The following JCAD variants were observed in gnomAD, a reference collection of about 807,000 sequenced individuals.
JCAD encodes the protein junctional cadherin 5-associated protein.
In JCAD, 40 loss-of-function variants were observed where a neutral mutation model predicts 98.0. The observed-to-expected ratio is 0.41, with a 90% confidence interval of 0.32 to 0.53. The LOEUF (loss-of-function observed/expected upper bound fraction) is 0.53, where lower values mean the gene tolerates loss of function less well. Among genes scored for constraint, JCAD ranks in the 20% least tolerant of loss-of-function variants. The pLI, the probability that JCAD is intolerant of heterozygous loss-of-function variation, is 0.31. For missense variants in JCAD, 1,705 were observed against 1,738.1 expected (o/e 0.98, Z 0.34); for synonymous variants, 691 against 682.3 (o/e 1.01, Z -0.20).
In JCAD at chr10:30,046,138, C is replaced by A. The variant is rs531822730; in HGVS notation, c.281+1394G>T. Among the ~76,000 whole-genome samples the A allele has an allele frequency of 1.6e-4, 24 of 152,288 alleles. 1 individual carries two copies. In the South Asian group the frequency reaches 4.8e-3, roughly 30 times the overall value. ...TGCTGACATGCAGTTACATAACACG[C>A]TCTGTAGACTCAGAGCTCTTCCTCC... On this transcript the variant is annotated intron_variant, in intron 2 of 3. Coordinates refer to ENST00000375377, the MANE Select transcript of JCAD (RefSeq NM_020848.4).
upstream of JCAD, among the ~76,000 whole-genome samples, chr10:30,063,040 C>T (rs79704518): frequency 0.032 from 4,907 of 152,048 alleles, 251 homozygotes; most frequent in African/African-American, 0.11. Context: ...GTGGGCAAGA[C>T]GTGAGAGAAA....
chr10:30,044,731 T>C (rs952013409), intron 2 of JCAD: 2 of 897,130 alleles, frequency 2.2e-6, no homozygotes, highest in East Asian at 1.2e-4. Context: ...TATTTACTTT[T>C]TCCCAAAGCA....
chr10:30,105,287 C>A (rs1298649829), intron 1 of JCAD, among the ~76,000 whole-genome samples: 6 of 152,082 alleles, frequency 3.9e-5, no homozygotes, highest in Admixed American at 6.6e-5. Flanking sequence ...TGTGCTGTCA[C>A]CAGCCTTGCA....
intron 2 of JCAD, among the ~76,000 whole-genome samples, chr10:30,035,508 G>C (rs796328300): frequency 4.6e-5 from 7 of 152,248 alleles, no homozygotes; most frequent in Admixed American, 2.6e-4. Flanking sequence ...CCCCATGGGG[G>C]TCGCTCTGGT....
rs545979191 is a variant in JCAD at position 30,028,462 on chromosome 10, T to G, written c.1686A>C (p.Gln562His). The G allele has an allele frequency of 1.2e-6, 2 of 1,614,206 alleles. No individual in the cohort carries two copies. The highest frequency in any genetic ancestry group is 2.7e-5 in the African/African-American group (2 of 75,056). The change falls in exon 3 of 4, where the codon CAA becomes CAC. Residue 562 changes from glutamine (Q) to histidine (H), a missense_variant. By Grantham distance (24) the Gln-to-His change is conservative. This residue lies in a region of JCAD where 1,278 missense variants were observed against 1,243.1 expected (regional missense o/e 1.03). Transcript: ENST00000375377. The stretch of plus-strand genomic sequence containing the variant: ...AACTTTTCTTGGTCCGAGTCCCAGT[T>G]TGGAACTTTTTGAGCTTGGTTTGAG... ...CETQTKLKKF[Q>H]TGTRTKKSSK...
chr10:30,050,314 C>CAAAAAAAAAAAAAAAAAAAAAAA (rs61421356), intron 1 of JCAD, among the ~76,000 whole-genome samples: 2 of 41,726 alleles, frequency 4.8e-5, no homozygotes, highest in Non-Finnish European at 1.1e-4. Flanking sequence ...GACCCTGTCT[C>CAAAAAAAAAAAAAAAAAAAAAAA]AAAAAAAAAA....
At chr10:30,070,608 C>G (rs547772715) in intron 1 of JCAD, among the ~76,000 whole-genome samples, 3 of 152,252 alleles carry the variant, frequency 2.0e-5, no homozygotes, top group South Asian at 4.1e-4. Context: ...TTGTTGAAAC[C>G]ACCAAATACC....
rs1295118846 is a variant in JCAD at position 30,079,119 on chromosome 10, TGG to T, written n.129-9300_129-9299del. ...AGTAAGTCAAGAATAGTAATCATCTTGGGAGGCCGAGGCGGGCAGATCACGAG... is the reference window on the plus strand; with the variant it reads ...AGTAAGTCAAGAATAGTAATCATCTTGAGGCCGAGGCGGGCAGATCACGAG... On this transcript the variant is annotated intron_variant and non_coding_transcript_variant, in intron 1 of 2. Transcript: ENST00000465712. Among the ~76,000 whole-genome samples the T allele has an allele frequency of 2.6e-5, 4 of 152,230 alleles. No individual in the cohort carries two copies. In the East Asian group the frequency reaches 7.7e-4, roughly 29 times the overall value.
rs749509656 is a variant in JCAD, at chr10:30,028,665, A to C, written c.1483T>G (p.Ser495Ala). 1 of 1,605,078 alleles carries C rather than the reference A, an allele frequency of 6.2e-7. No homozygotes were observed. The highest frequency in any genetic ancestry group is 1.3e-5 in the African/African-American group (1 of 74,512). ...TGGCCCCACAGCCACCGGGGGCTGG[A>C]ATCGGCCAAGACCAGGCCTCTCTCA... ...GDERGLVLAD[S>A]SPRWLWGQPP... The change falls in exon 3 of 4, where the codon TCC (serine) becomes GCC (alanine). Residue 495 changes from serine (S) to alanine (A), a missense_variant. Physicochemically the swap from Ser to Ala is moderately conservative, Grantham distance 99. Coordinates refer to ENST00000375377, the MANE Select transcript of JCAD (RefSeq NM_020848.4).
chr10:30,077,884 T>C (rs752328046), intron 1 of JCAD, among the ~76,000 whole-genome samples: 16 of 152,248 alleles, frequency 1.1e-4, no homozygotes, highest in Non-Finnish European at 2.2e-4. Flanking sequence ...GGTGCATAAG[T>C]ATCTGTTTGA....
chr10:30,074,557 G>A (rs550877306), intron 1 of JCAD, among the ~76,000 whole-genome samples: 97 of 152,202 alleles, frequency 6.4e-4, no homozygotes, highest in Admixed American at 4.6e-4. Flanking sequence ...AGCTGCCAGC[G>A]ATCCCCTCAT....
chr10:30,029,984 A>G, intron 2 of JCAD, 118 bp from the exon 3 acceptor site: 1 of 1,144,990 alleles, frequency 8.7e-7, no homozygotes, highest in Non-Finnish European at 1.2e-6. Flanking sequence ...GTTCCCAGCC[A>G]CAGTACTTGC....
chr10:30,089,107 A>T (rs1455794667), intron 1 of JCAD, among the ~76,000 whole-genome samples: 1 of 152,234 alleles, frequency 6.6e-6, no homozygotes, highest in Admixed American at 6.5e-5. Context: ...TATGGTGGCA[A>T]TAAATCATTG....
In JCAD at chr10:30,071,090, A is replaced by T. The variant is rs553026890; in HGVS notation, n.129-1269T>A. On this transcript the variant is annotated intron_variant and non_coding_transcript_variant, in intron 1 of 2. Coordinates refer to the JCAD transcript ENST00000465712. ...TGGCTAATTTTTGTGTTTTTAGTAG[A>T]GATGGGGTTTCACCATATTGGCCAG... Among the ~76,000 whole-genome samples the T allele has an allele frequency of 2.6e-5, 4 of 152,270 alleles. No individual in the cohort carries two copies. The East Asian group carries it at 7.7e-4, about 29-fold the overall frequency.
chr10:30,057,634 ACCTTCC>A (rs1837601497), intron 1 of JCAD, among the ~76,000 whole-genome samples: 1 of 152,174 alleles, frequency 6.6e-6, no homozygotes, highest in Non-Finnish European at 1.5e-5. Context: ...CAAGGGCCTG[ACCTTCC>A]AGTCTCTGCA....
intron 1 of JCAD, among the ~76,000 whole-genome samples, chr10:30,051,300 A>ACACACG (rs1837466111): frequency 6.6e-6 from 1 of 151,908 alleles, no homozygotes; most frequent in South Asian, 2.1e-4. Flanking sequence ...ACACACACAC[A>ACACACG]CACACACAAG....
rs530660676 is a variant in JCAD at position 30,091,902 on chromosome 10, C to T, written n.129-22081G>A. Among the ~76,000 whole-genome samples the T allele has an allele frequency of 1.4e-4, 21 of 145,426 alleles. 3 individuals carry two copies. In the South Asian group the frequency reaches 4.6e-3, roughly 32 times the overall value. On this transcript the variant is annotated intron_variant and non_coding_transcript_variant, in intron 1 of 2. Transcript: ENST00000465712. ...AATTAGCTGGGCCTGGTGGCACGCG[C>T]CTGTAATCCCAGCTACCTGGGAGGC... is the stretch of plus-strand genomic sequence containing the variant.
intron 2 of JCAD, chr10:30,044,676 G>GGT (rs1163840678): frequency 0.023 from 2,595 of 111,770 alleles, 74 homozygotes; most frequent in Admixed American, 0.14. Flanking sequence ...AGCAGTATTG[G>GGT]CTTTTTTTTT....
Position 30,028,014 on chromosome 10 carries a change from C to T in JCAD, c.2134G>A (p.Gly712Arg), listed in dbSNP as rs751736405. Residue 712 changes from glycine (G) to arginine (R), a missense_variant, in exon 3 of 4, where the codon GGG becomes AGG. By Grantham distance (125) the Gly-to-Arg change is moderately radical. Around this residue, in one of 3 missense-constraint regions of JCAD, gnomAD observed 1,278 missense variants for 1,243.1 expected, o/e 1.03. Coordinates refer to ENST00000375377, the MANE Select transcript of JCAD (RefSeq NM_020848.4). ...GGACTCAATGCTGCACGACTCGGCC[C>T]TCCCAGCTTTGCACCAGGGAGCAGC... ...SQLLPGAKLGGPSRAALSPKC... is the reference protein window; with the variant it reads ...SQLLPGAKLGRPSRAALSPKC... 1 of 1,614,256 alleles carries T rather than the reference C, an allele frequency of 6.2e-7. No homozygotes were observed. The highest frequency in any genetic ancestry group is 1.7e-5 in the Admixed American group (1 of 60,034).
Sources: allele counts gnomAD v4.1 joint callset (sites outside exome capture counted in the v4.1 genomes callset), GRCh38; gene constraint gnomAD v4.1.1; regional missense constraint gnomAD v4.1.1; transcripts MANE v1.5; gene names NCBI Gene and HGNC (gene_info 2026-07-23, HGNC 2026-07-21).